Variants in ILDR2 observed in about 807,000 individuals in gnomAD.
ILDR2 encodes immunoglobulin like domain containing receptor 2.
A neutral mutation model predicts 66.8 loss-of-function variants in ILDR2; 25 were observed. That is an observed-to-expected ratio of 0.37 (90% CI 0.27 to 0.52). The LOEUF is 0.52. ILDR2 is among the 20% of genes least tolerant of loss of function. The pLI, the probability that ILDR2 is intolerant of heterozygous loss-of-function variation, is 0.88. For synonymous variants in ILDR2, 367 were observed against 357.2 expected (o/e 1.03, Z -0.31); for missense variants, 827 against 876.8 (o/e 0.94, Z 0.72).
rs185998445 is a variant in ILDR2, at chr1:166,930,530, A to G, written c.881-3350T>C. ...CCTTCTAAAAGCTATTGGACTTTTT[A>G]AAAATGATAAGCTACAAGTTCAAAT... On this transcript the variant is annotated intron_variant, in intron 6 of 9. Coordinates refer to ENST00000271417, the MANE Select transcript of ILDR2 (RefSeq NM_199351.3). 4.6e-4 allele frequency among the ~76,000 whole-genome samples: 70 copies of G among 152,334 alleles called. 1 individual carries two copies. In the East Asian group the frequency reaches 0.011, roughly 25 times the overall value.
At chr1:166,899,430 A>G (rs1273500982) in intron 2 of ILDR2, among the ~76,000 whole-genome samples, 2 of 151,986 alleles carry the variant, frequency 1.3e-5, no homozygotes, top group African/African-American at 2.4e-5. Context: ...AAAGAAAAAG[A>G]CACGATTGCT....
At position 166,921,703 on chromosome 1, in the gene ILDR2, C is replaced by T. The variant is rs1320024249; in HGVS notation, c.1212-324G>A. On this transcript the variant is annotated intron_variant, in intron 8 of 9. Coordinates refer to ENST00000271417, the MANE Select transcript of ILDR2 (RefSeq NM_199351.3). This position sits in a 1 kb window ranked among gnomAD's most constrained non-coding sequence, Gnocchi z 5.3. ...TTGTGACCTCGGGTTGACAGCCACA[C>T]GTCTCCACCCTCAAAGCCAGCGCAG... Among the ~76,000 whole-genome samples, 3 of 152,210 alleles carry T rather than the reference C, an allele frequency of 2.0e-5. No homozygotes were observed. Among genetic ancestry groups the T allele is most frequent in the Non-Finnish European group, 4.4e-5 (3 of 68,040 alleles).
chr1:166,925,544 GAGCCATGGAGCCATCCACATTAC>G (rs1049178899), intron 7 of ILDR2, among the ~76,000 whole-genome samples: 6 of 152,092 alleles, frequency 3.9e-5, no homozygotes, highest in Admixed American at 6.5e-5. Context: ...GAACAGAATG[GAGCCATGGAGCCATCCACATTAC>G]AGCCATGGAG....
intron 3 of ILDR2, among the ~76,000 whole-genome samples, chr1:166,947,882 G>A (rs1202913129): frequency 1.3e-5 from 2 of 152,164 alleles, no homozygotes; most frequent in African/African-American, 4.8e-5. Context: ...GGCGGCGGGC[G>A]CGACCGGGGT....
downstream of ILDR2, chr1:166,908,018 T>A (rs56797817): frequency 6.6e-6 from 1 of 152,194 alleles, no homozygotes; most frequent in Non-Finnish European, 1.5e-5. Flanking sequence ...GAAAAGAGAA[T>A]GTGGGGTGCG....
intron 1 of ILDR2, among the ~76,000 whole-genome samples, chr1:166,965,043 C>A (rs1448534435): frequency 6.6e-6 from 1 of 152,142 alleles, no homozygotes; most frequent in Non-Finnish European, 1.5e-5. Context: ...AGACAGGCAT[C>A]TTTAGAAATA....
chr1:166,911,629 A>G lies in ILDR2; in HGVS notation c.*7726T>C, dbSNP rs1659476343. The G allele has an allele frequency of 6.6e-6, 1 of 151,424 alleles. No individual in the cohort carries two copies. Among genetic ancestry groups the G allele is most frequent in the African/African-American group, 2.4e-5 (1 of 41,200 alleles). 9.4% of individuals were successfully genotyped at this position (151,424 alleles called of 1,614,324 possible). On this transcript the variant is annotated 3_prime_UTR_variant, in exon 10 of 10. Transcript: ENST00000271417. Reference sequence around the variant, plus strand: ...TATAAAATTTTAAGTTAGTATCTTTAAGATATTCAGATAAATAAGAGGGCA... The same window carrying G: ...TATAAAATTTTAAGTTAGTATCTTTGAGATATTCAGATAAATAAGAGGGCA...
At chr1:166,939,462 A>T (rs1347659612) in intron 4 of ILDR2, 52 bp downstream of exon 4, 23 of 1,457,062 alleles carry the variant, frequency 1.6e-5, no homozygotes, top group Non-Finnish European at 2.2e-5. Flanking sequence ...CAGAAGCAAG[A>T]CAGATGGAAT....
At position 166,917,643 on chromosome 1, in the gene ILDR2, G is replaced by T. The variant is rs1659694027; in HGVS notation, c.*1712C>A. On this transcript the variant is annotated 3_prime_UTR_variant, in exon 10 of 10. Transcript: ENST00000271417. ...GTTTGGATGGATTAAGAGGTTCAGG[G>T]ATGAACATTCAGACAAGAACGAGTC... is the stretch of plus-strand genomic sequence containing the variant. 6.6e-6 allele frequency: 1 copy of T among 152,226 alleles called. No individual in the cohort carries two copies. The highest frequency in any genetic ancestry group is 2.1e-4 in the South Asian group (1 of 4,832). The allele number at this position is 152,226 out of a possible 1,614,324, so 9.4% of individuals were successfully genotyped here.
chr1:166,899,243 A>C (rs1659221753), intron 2 of ILDR2, among the ~76,000 whole-genome samples: 1 of 151,820 alleles, frequency 6.6e-6, no homozygotes, highest in African/African-American at 2.4e-5. Context: ...AAATACAAAA[A>C]TTGGCCGGGC....
intron 1 of ILDR2, among the ~76,000 whole-genome samples, chr1:166,971,223 T>A (rs1431537919): frequency 6.6e-6 from 1 of 152,244 alleles, no homozygotes; most frequent in Admixed American, 6.5e-5. Flanking sequence ...AAGCAAGGAC[T>A]ATGACTTATT....
Position 166,957,747 on chromosome 1 carries a change from T to C in ILDR2, c.379+22A>G, listed in dbSNP as rs1168794415. 4 of 1,579,568 alleles carry C rather than the reference T, an allele frequency of 2.5e-6. No individual in the cohort carries two copies. In the East Asian group the frequency reaches 9.0e-5, roughly 36 times the overall value. On this transcript the variant is annotated intron_variant, in intron 2 of 9. Transcript: ENST00000271417. ...ACTAACCTCCCTCCCATTTCCTAGA[T>C]TCAAAATAGGGGCATTATTACCATG... is the stretch of plus-strand genomic sequence containing the variant.
intron 1 of ILDR2, 82 bp downstream of exon 1, chr1:166,975,141 T>TG (rs879192515): frequency 4.4e-5 from 54 of 1,220,032 alleles, no homozygotes; most frequent in African/African-American, 2.1e-4. Flanking sequence ...AGGAGGAAAA[T>TG]GGGGGGGCGG....
chr1:166,939,745 C>G (rs1160142216), intron 3 of ILDR2, among the ~76,000 whole-genome samples, 175 bp from the exon 4 acceptor site: 1 of 152,208 alleles, frequency 6.6e-6, no homozygotes, highest in Non-Finnish European at 1.5e-5. Flanking sequence ...CTTTCCCTGT[C>G]AATCTTTGGC....
chr1:166,940,327 G>A (rs1240395362), intron 3 of ILDR2, among the ~76,000 whole-genome samples: 1 of 152,212 alleles, frequency 6.6e-6, no homozygotes, highest in Non-Finnish European at 1.5e-5. Context: ...ACATAAGGGA[G>A]CAGATTAGTC....
At chr1:166,964,274 C>T (rs539804091) in intron 1 of ILDR2, among the ~76,000 whole-genome samples, 1 of 152,244 alleles carries the variant, frequency 6.6e-6, no homozygotes, top group East Asian at 1.9e-4. Flanking sequence ...TGTTTTGGTG[C>T]CCTGACCTCC....
rs1660954220 is a variant in ILDR2, at chr1:166,936,087, T to A, written c.703+504A>T. On this transcript the variant is annotated intron_variant, in intron 5 of 9. Transcript: ENST00000271417. The surrounding 1 kb of genome is among the most constrained non-coding windows in gnomAD (Gnocchi z 5.0). Reference sequence around the variant, plus strand: ...TGGGCTTGGCCAGTAAGGTAAAAATTGTGAATCCTCAAATAAGAACTAGGC... The same window carrying A: ...TGGGCTTGGCCAGTAAGGTAAAAATAGTGAATCCTCAAATAAGAACTAGGC... 6.6e-6 allele frequency among the ~76,000 whole-genome samples: 1 copy of A among 152,142 alleles called. No individual in the cohort carries two copies. The highest frequency in any genetic ancestry group is 2.1e-4 in the South Asian group (1 of 4,824).
chr1:166,943,658 G>A (rs1306064578), intron 3 of ILDR2: 1 of 189,656 alleles, frequency 5.3e-6, no homozygotes, highest in Non-Finnish European at 9.8e-6. Flanking sequence ...CCTAAGAAAT[G>A]TTATTGCTAG....
chr1:166,919,277 C>T lies in ILDR2; in HGVS notation c.*78G>A, dbSNP rs566603693. On this transcript the variant is annotated 3_prime_UTR_variant, in exon 10 of 10. Coordinates refer to ENST00000271417, the MANE Select transcript of ILDR2 (RefSeq NM_199351.3). ...GGTGATGGCCAGAGAAGGTCCTGGG[C>T]CTGCTGGTTCTTAGATTTGTGTCTT... 9 of 1,355,100 alleles carry T rather than the reference C, an allele frequency of 6.6e-6. No homozygotes were observed. In the East Asian group the frequency reaches 7.2e-5, roughly 11 times the overall value. 83.9% of individuals were successfully genotyped at this position (1,355,100 alleles called of 1,614,324 possible). A position where few individuals can be genotyped will look rare whatever the true frequency, so the allele number is the denominator to read the frequency against.
Sources: gnomAD v4.1 joint callset for allele counts (sites outside exome capture counted in the v4.1 genomes callset) on GRCh38, gnomAD v4.1.1 for gene constraint, Gnocchi (gnomAD v3.1) non-coding constraint, MANE v1.5 for transcripts, NCBI Gene and HGNC (gene_info 2026-07-23, HGNC 2026-07-21) for gene names.